Variants in MYO9B observed in about 807,000 individuals in gnomAD.
The protein encoded by MYO9B is myosin IXB.
MYO9B carries 71 observed loss-of-function variants against 229.5 expected under a neutral mutation model. The ratio of observed to expected loss-of-function variants is 0.31; its 90% CI spans 0.26 to 0.38. The LOEUF (loss-of-function observed/expected upper bound fraction) is 0.38, where lower values mean the gene tolerates loss of function less well. Ranked by LOEUF, MYO9B falls within the 10% of genes least tolerant of loss-of-function variation. The pLI is 1.00. For synonymous variants in MYO9B, 1,185 were observed against 1,235.8 expected, an observed-to-expected ratio of 0.96 and a Z score of 0.86; for missense variants, 2,255 against 2,920.5, an observed-to-expected ratio of 0.77 and a Z score of 5.25.
At chr19:17,207,270 C>T (rs1170794363) in intron 35 of MYO9B, 26 bp downstream of exon 35, 1 of 1,583,820 alleles carries the variant, frequency 6.3e-7, no homozygotes. Context: ...GCCCCGGAGG[C>T]ATGCTCAGGG....
intron 18 of MYO9B, among the ~76,000 whole-genome samples, chr19:17,186,876 G>T (rs929800071): frequency 6.6e-6 from 1 of 151,918 alleles, no homozygotes; most frequent in Non-Finnish European, 1.5e-5. Context: ...GATTACAGGT[G>T]CCCACCACGC....
intron 22 of MYO9B, among the ~76,000 whole-genome samples, chr19:17,197,419 G>GGTAC (rs2073056120): frequency 8.7e-6 from 1 of 115,258 alleles, no homozygotes. Flanking sequence ...TAGATAGATA[G>GGTAC]ATAGATAGAT....
At chr19:17,080,363 G>T (rs1163315883) in intron 1 of MYO9B, among the ~76,000 whole-genome samples, 1 of 152,174 alleles carries the variant, frequency 6.6e-6, no homozygotes, top group African/African-American at 2.4e-5. Context: ...CAAGATCAAG[G>T]TGTTGGCAGG....
intron 18 of MYO9B, 33 bp from the exon 19 acceptor site, chr19:17,187,902 C>T: frequency 6.5e-7 from 1 of 1,543,148 alleles, no homozygotes; most frequent in Non-Finnish European, 8.8e-7. Flanking sequence ...CAGGTCAAGG[C>T]CACCTGCCTG....
intron 4 of MYO9B, 141 bp downstream of exon 4, chr19:17,152,847 T>G (rs959609839): frequency 1.5e-6 from 1 of 685,330 alleles, no homozygotes; most frequent in African/African-American, 1.8e-5. Flanking sequence ...GAGCAGGGCC[T>G]GCCCATCCAT....
intron 3 of MYO9B, among the ~76,000 whole-genome samples, chr19:17,150,889 C>T (rs1256660703): frequency 7.1e-6 from 1 of 141,576 alleles, no homozygotes; most frequent in Non-Finnish European, 1.6e-5. Context: ...TGTGCTGGTA[C>T]CCTCAGACTC....
chr19:17,208,226 C>G (rs2073184575), intron 35 of MYO9B, among the ~76,000 whole-genome samples: 1 of 146,940 alleles, frequency 6.8e-6, no homozygotes, highest in Non-Finnish European at 1.5e-5. Flanking sequence ...GTAATCCCAG[C>G]TACTCGGGAG....
intron 3 of MYO9B, among the ~76,000 whole-genome samples, chr19:17,152,201 A>C (rs1220072256): frequency 1.3e-5 from 2 of 150,578 alleles, no homozygotes; most frequent in African/African-American, 4.9e-5. Context: ...AAAAAAAAAA[A>C]CCCACAAGGA....
chr19:17,176,217 A>G (rs1015476582), intron 14 of MYO9B, among the ~76,000 whole-genome samples: 19 of 151,426 alleles, frequency 1.3e-4, no homozygotes, highest in African/African-American at 4.6e-4. Flanking sequence ...ATTTTTTTTT[A>G]ACTAGAGACG....
intron 2 of MYO9B, among the ~76,000 whole-genome samples, chr19:17,124,461 G>A (rs1309313543): frequency 6.6e-6 from 1 of 152,092 alleles, no homozygotes; most frequent in Non-Finnish European, 1.5e-5. Flanking sequence ...CTTATATTGA[G>A]CAACTCTTAG....
At chr19:17,209,973 AGG>A (rs760500561) in intron 36 of MYO9B, among the ~76,000 whole-genome samples, 1 of 152,258 alleles carries the variant, frequency 6.6e-6, no homozygotes, top group Non-Finnish European at 1.5e-5. Context: ...TGGGGCCACC[AGG>A]CCCTGCAGGT....
intron 1 of MYO9B, among the ~76,000 whole-genome samples, chr19:17,089,966 C>T (rs762428440): frequency 2.0e-5 from 3 of 152,058 alleles, no homozygotes; most frequent in Admixed American, 6.6e-5. Flanking sequence ...CGACTCATCA[C>T]TTTCTGTGTC....
At position 17,182,730 on chromosome 19, in the gene MYO9B, G is replaced by A. The variant is rs78094798; in HGVS notation, c.2334-1099G>A. Among the ~76,000 whole-genome samples, 273 of 152,008 alleles carry A rather than the reference G, an allele frequency of 1.8e-3. 1 individual carries two copies. In the East Asian group the frequency reaches 0.037, roughly 21 times the overall value. On this transcript the variant is annotated intron_variant, in intron 15 of 39. Transcript: ENST00000682292. ...TTCAGGTGAAACTGAATGCAACCAC[G>A]GATGGCTAGGCATCTCACAGATCTA...
At chr19:17,197,501 G>A (rs1301331515) in intron 22 of MYO9B, among the ~76,000 whole-genome samples, 2 of 149,982 alleles carry the variant, frequency 1.3e-5, no homozygotes, top group East Asian at 1.9e-4. Flanking sequence ...CTAAGGCAAG[G>A]TTTCCTACCC....
At chr19:17,117,586 A>ATCAT (rs1222820058) in intron 2 of MYO9B, among the ~76,000 whole-genome samples, 3 of 152,200 alleles carry the variant, frequency 2.0e-5, no homozygotes, top group African/African-American at 7.2e-5. Context: ...CCCGGACAGT[A>ATCAT]TCATCACCTC....
chr19:17,129,685 C>A (rs978446980), intron 2 of MYO9B, among the ~76,000 whole-genome samples: 2 of 152,182 alleles, frequency 1.3e-5, no homozygotes, highest in Non-Finnish European at 2.9e-5. Flanking sequence ...TAAAGGAATG[C>A]GAGTTGAAGA....
intron 2 of MYO9B, among the ~76,000 whole-genome samples, chr19:17,120,713 C>T (rs2057955182): frequency 6.7e-6 from 1 of 149,110 alleles, no homozygotes; most frequent in South Asian, 2.1e-4. Context: ...TAATTGGTAA[C>T]AGTCCTCATG....
Position 17,157,035 on chromosome 19 carries a change from G to A in MYO9B, c.1326G>A (p.Leu442=), listed in dbSNP as rs1313658971. The A allele has an allele frequency of 3.1e-6, 5 of 1,613,094 alleles. No individual in the cohort carries two copies. The Admixed American group carries it at 5.0e-5, about 16-fold the overall frequency. Residue 442 remains leucine (L), a synonymous_variant, in exon 7 of 40, where the codon CTG becomes CTA. Coordinates refer to ENST00000682292, the MANE Select transcript of MYO9B (RefSeq NM_004145.4). ...TGCTGGACACCCTGTCGCAGCTTCT[G>A]AAGGTACTGATTGCCACCTCTGTCC... ...PEVLDTLSQL[L]KVKREILVEV...
rs766340539 is a variant in MYO9B at position 17,211,941 on chromosome 19, C to T, written c.6105C>T (p.Ser2035=). ...ALPCPGAPTP[S]PLPTVAAPPR... ...CTTGCCCCGGCGCGCCCACCCCGAG[C>T]CCCCTCCCCACCGTGGCCGCCCCTC... The change falls in exon 40 of 40, where the codon AGC becomes AGT. Residue 2035 remains serine (S), a synonymous_variant. Transcript: ENST00000682292. The T allele has an allele frequency of 2.6e-6, 4 of 1,523,374 alleles. No homozygotes were observed. In the Admixed American group the frequency reaches 6.2e-5, roughly 24 times the overall value. 94.4% of individuals were successfully genotyped at this position (1,523,374 alleles called of 1,614,324 possible).
Sources: allele counts gnomAD v4.1 joint callset (sites outside exome capture counted in the v4.1 genomes callset), GRCh38; gene constraint gnomAD v4.1.1; transcripts MANE v1.5; gene names NCBI Gene and HGNC (gene_info 2026-07-23, HGNC 2026-07-21).